The following DCAF17 variants were observed in gnomAD, a reference collection of about 807,000 sequenced individuals.
The protein encoded by DCAF17 is DDB1- and CUL4-associated factor 17.
A neutral mutation model predicts 66.0 loss-of-function variants in DCAF17; 48 were observed. The observed-to-expected ratio is 0.73, with a 90% CI of 0.58 to 0.92. The LOEUF is 0.92. Ranked by LOEUF, DCAF17 falls within the 40% of genes least tolerant of loss-of-function variation. The probability of loss-of-function intolerance (pLI) is 0.00; values close to 1 mark genes in which losing one functional copy is unlikely to be tolerated. For missense variants in DCAF17, 562 were observed against 622.8 expected (o/e 0.90, Z 1.04); for synonymous variants, 206 against 214.6 (o/e 0.96, Z 0.35).
chr2:171,443,463 C>A, intron 2 of DCAF17, 60 bp from the exon 3 acceptor site: 1 of 1,458,486 alleles, frequency 6.9e-7, no homozygotes, highest in Non-Finnish European at 9.5e-7. Context: ...TCTCTCAAAC[C>A]TGAACAAATA....
chr2:171,463,139 G>A (rs1461599875), intron 8 of DCAF17, among the ~76,000 whole-genome samples: 2 of 151,616 alleles, frequency 1.3e-5, no homozygotes, highest in African/African-American at 2.4e-5. Context: ...GCTGAGGCAC[G>A]AGAATCACTT....
rs4668387 is a variant in DCAF17 at position 171,476,785 on chromosome 2, C to T, written c.1092-75C>T. The T allele has an allele frequency of 0.21, 214,111 of 1,009,800 alleles. 23,968 individuals carry two copies. The highest frequency in any genetic ancestry group is 0.33 in the Admixed American group (18,008 of 55,340). 62.6% of individuals were successfully genotyped at this position (1,009,800 alleles called of 1,614,324 possible). A position where few individuals can be genotyped will look rare whatever the true frequency, so the allele number is the denominator to read the frequency against. On this transcript the variant is annotated intron_variant, in intron 10 of 13. Transcript: ENST00000375255. ...TATAATTTTTATTTGTTGAGTTTTACTTCAGTACTTAAACTTTGGCACCTT... is the reference window on the plus strand; with the variant it reads ...TATAATTTTTATTTGTTGAGTTTTATTTCAGTACTTAAACTTTGGCACCTT...
chr2:171,473,962 C>T lies in DCAF17; in HGVS notation c.1078C>T (p.Pro360Ser), dbSNP rs1164439093. The change falls in exon 10 of 14, where the codon CCA becomes TCA. Residue 360 changes from proline to serine, a missense_variant. By Grantham distance (74) the Pro-to-Ser change is moderately conservative (BLOSUM62 -1). Transcript: ENST00000375255. ...DASGRIIHVG[P>S]NQVKVLKLTE... ...TTCTGGTAGAATAATACATGTTGGT[C>T]CAAATCAAGTCAAGTGAGTAATCTC... is the stretch of plus-strand genomic sequence containing the variant. The T allele has an allele frequency of 1.9e-6, 3 of 1,613,092 alleles. No individual in the cohort carries two copies. The highest frequency in any genetic ancestry group is 2.5e-6 in the Non-Finnish European group (3 of 1,179,476).
In DCAF17 at chr2:171,434,980, A is replaced by C. The variant is rs564412407; in HGVS notation, c.127-103A>C. ...GGCAGAGTGGAGGAAGGATGCAAAA[A>C]GTTTTAAAATAATATAGGTGACATT... On this transcript the variant is annotated intron_variant, in intron 1 of 13. Coordinates refer to ENST00000375255, the MANE Select transcript of DCAF17 (RefSeq NM_025000.4). The C allele has an allele frequency of 2.1e-5, 24 of 1,121,944 alleles. No homozygotes were observed. The African/African-American group carries it at 3.8e-4, about 18-fold the overall frequency. 69.5% of individuals were successfully genotyped at this position (1,121,944 alleles called of 1,614,324 possible).
chr2:171,443,662 A>G, intron 3 of DCAF17, 49 bp downstream of exon 3: 2 of 1,476,700 alleles, frequency 1.4e-6, no homozygotes, highest in Non-Finnish European at 1.9e-6. Context: ...TTTAGCCTAG[A>G]AGAACCAGTT....
At position 171,483,038 on chromosome 2, in the gene DCAF17, A is replaced by G. The variant is rs964530080; in HGVS notation, c.*1924A>G. The G allele has an allele frequency of 2.2e-6, 1 of 454,042 alleles. No homozygotes were observed. The highest frequency in any genetic ancestry group is 2.0e-5 in the African/African-American group (1 of 50,024). The allele number at this position is 454,042 out of a possible 1,614,324, so 28.1% of individuals were successfully genotyped here. On this transcript the variant is annotated 3_prime_UTR_variant, in exon 14 of 14. Coordinates refer to ENST00000375255, the MANE Select transcript of DCAF17 (RefSeq NM_025000.4). Reference sequence around the variant, plus strand: ...CTGCTTAGTTTCAGCCAGTTGCAACAGTATGTGGGAATGTAGGCTGCATGG... The same window carrying G: ...CTGCTTAGTTTCAGCCAGTTGCAACGGTATGTGGGAATGTAGGCTGCATGG...
intron 10 of DCAF17, among the ~76,000 whole-genome samples, chr2:171,475,490 G>A (rs951991952): frequency 1.3e-5 from 2 of 152,192 alleles, no homozygotes; most frequent in African/African-American, 2.4e-5. Flanking sequence ...AAGGGGCTGG[G>A]CTTGGTGGTT....
intron 8 of DCAF17, among the ~76,000 whole-genome samples, chr2:171,466,730 T>G (rs1161118697): frequency 1.0e-5 from 1 of 96,396 alleles, no homozygotes; most frequent in African/African-American, 3.6e-5. Context: ...TTGTACTGTT[T>G]TTTTTTTTTT....
Position 171,438,504 on chromosome 2 carries a change from GT to G in DCAF17, c.230+3321del, listed in dbSNP as rs576523247. Among the ~76,000 whole-genome samples, 26 of 152,260 alleles carry G rather than the reference GT, an allele frequency of 1.7e-4. 1 individual carries two copies. In the East Asian group the frequency reaches 5.0e-3, roughly 29 times the overall value. ...TATTTCTCCTTGCATTTCTATCCGT[GT>G]TTGCCACATTGTGTTTTGATACTCT... On this transcript the variant is annotated intron_variant, in intron 2 of 13. Coordinates refer to ENST00000375255, the MANE Select transcript of DCAF17 (RefSeq NM_025000.4).
At chr2:171,438,640 A>G (rs1328551748) in intron 2 of DCAF17, among the ~76,000 whole-genome samples, 1 of 152,034 alleles carries the variant, frequency 6.6e-6, no homozygotes, top group African/African-American at 2.4e-5. Flanking sequence ...GCCAAATTCG[A>G]CTTTGTCTGA....
At chr2:171,457,327 C>T (rs1024292985) in intron 6 of DCAF17, among the ~76,000 whole-genome samples, 2 of 152,304 alleles carry the variant, frequency 1.3e-5, no homozygotes, top group African/African-American at 4.8e-5. Context: ...AATTGGACAT[C>T]TTCCTCTATT....
In DCAF17 at chr2:171,480,176, G is replaced by A. The variant is rs1259546600; in HGVS notation, c.1405G>A (p.Val469Met). Residue 469 changes from valine (V) to methionine (M), a missense_variant, in exon 13 of 14, where the codon GTG becomes ATG. By Grantham distance (21) the Val-to-Met change is conservative (BLOSUM62 1). Coordinates refer to ENST00000375255, the MANE Select transcript of DCAF17 (RefSeq NM_025000.4). ...AACTTTACTTAAAAGCATTCCACTA[G>A]TGGAGTCATGGGATGTGGTGAGTAG... ...YGTLLKSIPLVESWDVTYSHE... is the reference protein window; with the variant it reads ...YGTLLKSIPLMESWDVTYSHE... The A allele has an allele frequency of 1.2e-6, 2 of 1,613,502 alleles. No homozygotes were observed. Among genetic ancestry groups the A allele is most frequent in the Non-Finnish European group, 1.7e-6 (2 of 1,179,696 alleles).
At position 171,477,969 on chromosome 2, in the gene DCAF17, T is replaced by C. The variant is rs1251619077; in HGVS notation, c.1183-18T>C. 6.2e-7 allele frequency: 1 copy of C among 1,604,838 alleles called. No individual in the cohort carries two copies. Among genetic ancestry groups the C allele is most frequent in the East Asian group, 2.2e-5 (1 of 44,810 alleles). On this transcript the variant is annotated intron_variant, in intron 11 of 13. Transcript: ENST00000375255. ...TAATAGAACTTGTCATATCTTTTTATTTCTTTCCATATGATAGAATGAAAA... is the reference window on the plus strand; with the variant it reads ...TAATAGAACTTGTCATATCTTTTTACTTCTTTCCATATGATAGAATGAAAA...
At chr2:171,476,743 A>T (rs1181821974) in intron 10 of DCAF17, 117 bp from the exon 11 acceptor site, 1 of 716,494 alleles carries the variant, frequency 1.4e-6, no homozygotes. Context: ...TAATCAAGAG[A>T]ACTACCTCAG....
At chr2:171,451,230 T>C (rs1194915892) in intron 5 of DCAF17, among the ~76,000 whole-genome samples, 8 of 152,122 alleles carry the variant, frequency 5.3e-5, no homozygotes, top group Admixed American at 5.2e-4. Context: ...AACTATTTGT[T>C]GGCTACTTCT....
chr2:171,482,921 C>T lies in DCAF17; in HGVS notation c.*1807C>T, dbSNP rs1053933915. ...GGGTCCAAATGCCATCCAGGCCAGG[C>T]AGGAAATATACCTCATGTGAAAGAC... is the stretch of plus-strand genomic sequence containing the variant. On this transcript the variant is annotated 3_prime_UTR_variant, in exon 14 of 14. Coordinates refer to ENST00000375255, the MANE Select transcript of DCAF17 (RefSeq NM_025000.4). 1.1e-5 allele frequency: 5 copies of T among 453,888 alleles called. No individual in the cohort carries two copies. Among genetic ancestry groups the T allele is most frequent in the Non-Finnish European group, 2.2e-5 (5 of 226,782 alleles). 28.1% of individuals were successfully genotyped at this position (453,888 alleles called of 1,614,324 possible). A position where few individuals can be genotyped will look rare whatever the true frequency, so the allele number is the denominator to read the frequency against.
Position 171,483,733 on chromosome 2 carries a change from A to G in DCAF17, c.*2619A>G. 1 of 454,100 alleles carries G rather than the reference A, an allele frequency of 2.2e-6. No homozygotes were observed. Among genetic ancestry groups the G allele is most frequent in the South Asian group, 1.6e-5 (1 of 64,480 alleles). 28.1% of individuals were successfully genotyped at this position (454,100 alleles called of 1,614,324 possible). A position where few individuals can be genotyped will look rare whatever the true frequency, so the allele number is the denominator to read the frequency against. On this transcript the variant is annotated 3_prime_UTR_variant, in exon 14 of 14. Coordinates refer to ENST00000375255, the MANE Select transcript of DCAF17 (RefSeq NM_025000.4). The stretch of plus-strand genomic sequence containing the variant: ...ATAAGTAAAGTGGGTTGTCTCATTT[A>G]ATATTCAGAATAACCACATGAAGTA...
chr2:171,458,338 TA>T, intron 7 of DCAF17, 33 bp from the exon 8 acceptor site: 1 of 1,570,402 alleles, frequency 6.4e-7, no homozygotes, highest in East Asian at 2.2e-5. Context: ...AAATAGGTGC[TA>T]AAGCCACCAT....
intron 3 of DCAF17, among the ~76,000 whole-genome samples, chr2:171,445,645 G>A (rs1366861101): frequency 6.6e-6 from 1 of 152,026 alleles, no homozygotes; most frequent in Non-Finnish European, 1.5e-5. Context: ...TATTTTGATA[G>A]GCAAGTTATA....
Sources: allele counts gnomAD v4.1 joint callset (sites outside exome capture counted in the v4.1 genomes callset), GRCh38; gene constraint gnomAD v4.1.1; transcripts MANE v1.5; gene names NCBI Gene and HGNC (gene_info 2026-07-23, HGNC 2026-07-21).